The following PCDH20 variants were observed in gnomAD, a reference collection of about 807,000 sequenced individuals.
The protein encoded by PCDH20 is protocadherin 20.
A neutral mutation model predicts 39.7 loss-of-function variants in PCDH20; 18 were observed. The observed-to-expected ratio is 0.45, with a 90% confidence interval of 0.31 to 0.67. The LOEUF (loss-of-function observed/expected upper bound fraction) is 0.67, where lower values mean the gene tolerates loss of function less well. Ranked by LOEUF, PCDH20 falls within the 30% of genes least tolerant of loss-of-function variation. The pLI, the probability that PCDH20 is intolerant of heterozygous loss-of-function variation, is 0.05. For synonymous variants in PCDH20, 495 were observed against 455.4 expected (o/e 1.09, Z -1.11); for missense variants, 1,161 against 1,167.4 (o/e 0.99, Z 0.08).
exon 2 of PCDH20, chr13:61,410,433 T>C (rs1261648430): frequency 1.3e-5 from 2 of 152,232 alleles, no homozygotes; most frequent in Non-Finnish European, 2.9e-5. Flanking sequence ...AAGCATTTCT[T>C]TGCTTCTGGC....
intron 1 of PCDH20, among the ~76,000 whole-genome samples, chr13:61,414,571 A>T (rs1308060900): frequency 6.6e-6 from 1 of 152,150 alleles, no homozygotes; most frequent in Non-Finnish European, 1.5e-5. Flanking sequence ...AGTGATTTTT[A>T]TTTTAGCACA....
chr13:61,413,946 G>A, exon 2 of PCDH20: 1 of 1,608,250 alleles, frequency 6.2e-7, no homozygotes, highest in Non-Finnish European at 8.5e-7. Context: ...GTCCCACGAA[G>A]AGGAAAAACA....
At chr13:61,413,768 C>A in exon 2 of PCDH20, 2 of 1,613,678 alleles carry the variant, frequency 1.2e-6, no homozygotes, top group Non-Finnish European at 1.7e-6. Context: ...TTCCACTCAG[C>A]ACCGGTGCGC....
In PCDH20 at chr13:61,413,111, A is replaced by G. The variant is rs922008910; in HGVS notation, c.988T>C (p.Tyr330His). Residue 330 changes from tyrosine (Y) to histidine (H), a missense_variant, in exon 2 of 2, where the codon TAT (tyrosine) becomes CAT (histidine). Coordinates refer to ENST00000409204, the Ensembl canonical transcript of PCDH20. ...GGGGTGCCCACTGTAGCATTCCCAT[A>G]CACAGTGACATTGATTTGTGAGTCT... The G allele has an allele frequency of 6.2e-7, 1 of 1,614,160 alleles. No individual in the cohort carries two copies. Among genetic ancestry groups the G allele is most frequent in the Non-Finnish European group, 8.5e-7 (1 of 1,180,018 alleles).
At chr13:61,413,435 C>A in exon 2 of PCDH20, 4 of 1,613,740 alleles carry the variant, frequency 2.5e-6, no homozygotes, top group Non-Finnish European at 3.4e-6. Context: ...TTTACAGGTG[C>A]ATTTTCCGGG....
exon 1 of PCDH20, chr13:61,415,343 G>C: frequency 3.1e-6 from 2 of 637,414 alleles, no homozygotes; most frequent in Non-Finnish European, 4.6e-6. Flanking sequence ...TTCCTGCCCC[G>C]GACGCAGGTA....
exon 2 of PCDH20, chr13:61,413,866 G>A: frequency 6.2e-7 from 1 of 1,613,536 alleles, no homozygotes; most frequent in Non-Finnish European, 8.5e-7. Context: ...GAGCACCCCC[G>A]CGGGTAGTCC....
At chr13:61,411,287 A>T in exon 2 of PCDH20, 1 of 1,614,012 alleles carries the variant, frequency 6.2e-7, no homozygotes, top group Admixed American at 1.7e-5. Flanking sequence ...CGCATATGCA[A>T]GTCAATTTTT....
exon 2 of PCDH20, chr13:61,412,577 C>T (rs945650295): frequency 1.2e-6 from 2 of 1,614,000 alleles, no homozygotes; most frequent in African/African-American, 2.7e-5. Context: ...TTCCAAGCCA[C>T]CACAGCTACT....
exon 2 of PCDH20, chr13:61,412,307 C>A: frequency 1.2e-6 from 2 of 1,614,008 alleles, no homozygotes; most frequent in Non-Finnish European, 1.7e-6. Flanking sequence ...TCTTCTCGGT[C>A]CAGCTGAGTA....
exon 2 of PCDH20, chr13:61,410,513 T>C: frequency 6.6e-6 from 1 of 152,656 alleles, no homozygotes; most frequent in East Asian, 1.9e-4. Context: ...TGTATAAATC[T>C]ATTTCCCTTG....
At position 61,412,212 on chromosome 13, in the gene PCDH20, C is replaced by T. The variant is rs746999849; in HGVS notation, c.1887G>A (p.Val629=). ...GAGGACTGTTGTCATTTTTATCCAA[C>T]ACTGTGAGGGCCACAGTGGCTACTG... The change falls in exon 2 of 2, where the codon GTG becomes GTA. Residue 629 remains valine, a synonymous_variant. Coordinates refer to ENST00000409204, the Ensembl canonical transcript of PCDH20. The T allele has an allele frequency of 4.3e-6, 7 of 1,614,036 alleles. No homozygotes were observed. The Admixed American group carries it at 1.0e-4, about 23-fold the overall frequency.
At position 61,412,332 on chromosome 13, in the gene PCDH20, T is replaced by C. The variant is rs757248632; in HGVS notation, c.1767A>G (p.Gly589=). The change falls in exon 2 of 2, where the codon GGA becomes GGG. Residue 589 remains glycine (G), a synonymous_variant. Transcript: ENST00000409204. ...CCAGCTGAGTAGAAACTGTCAGAAT[T>C]CCTGTGACACTGTCTAAGGAAAAAT... The C allele has an allele frequency of 1.9e-6, 3 of 1,613,980 alleles. No homozygotes were observed. The African/African-American group carries it at 4.0e-5, about 22-fold the overall frequency.
chr13:61,409,921 G>C (rs1878211461), exon 2 of PCDH20: 1 of 152,018 alleles, frequency 6.6e-6, no homozygotes, highest in East Asian at 1.9e-4. Context: ...ACAGATGCAT[G>C]ATGCCAAAAA....
At chr13:61,411,892 T>C (rs1278412559) in exon 2 of PCDH20, 1 of 1,614,132 alleles carries the variant, frequency 6.2e-7, no homozygotes. Flanking sequence ...AGGGTTGTCA[T>C]TGATATCTAG....
rs972259489 is a variant in PCDH20 at position 61,410,297 on chromosome 13, A to C, written c.*946T>G. The C allele has an allele frequency of 8.5e-5, 13 of 152,258 alleles. No homozygotes were observed. The East Asian group carries it at 2.1e-3, about 25-fold the overall frequency. The allele number at this position is 152,258 out of a possible 1,614,324, so 9.4% of individuals were successfully genotyped here. A position where few individuals can be genotyped will look rare whatever the true frequency, so the allele number is the denominator to read the frequency against. Reference sequence around the variant, plus strand: ...AGAATTCACTTTTAATATGATTTCTATTTTCTTATGTGATGGATGATTTCA... The same window carrying C: ...AGAATTCACTTTTAATATGATTTCTCTTTTCTTATGTGATGGATGATTTCA... On this transcript the variant is annotated 3_prime_UTR_variant, in exon 2 of 2. Coordinates refer to ENST00000409204, the Ensembl canonical transcript of PCDH20.
exon 1 of PCDH20, chr13:61,415,438 G>A (rs893555744): frequency 3.1e-6 from 1 of 319,584 alleles, no homozygotes; most frequent in South Asian, 1.5e-4. Context: ...GCACAGTAGC[G>A]CTTACCTACC....
chr13:61,415,746 T>G (rs560404601), upstream of PCDH20: 1 of 152,212 alleles, frequency 6.6e-6, no homozygotes, highest in African/African-American at 2.4e-5. Context: ...AATATATGAA[T>G]TCAGTGAAGG....
At position 61,412,387 on chromosome 13, in the gene PCDH20, G is replaced by A. The variant is rs772808319; in HGVS notation, c.1712C>T (p.Ser571Leu). 8.1e-6 allele frequency: 13 copies of A among 1,614,040 alleles called. No individual in the cohort carries two copies. Among genetic ancestry groups the A allele is most frequent in the Non-Finnish European group, 1.1e-5 (13 of 1,180,040 alleles). ...TGGAGCATCAGGTCCCAGAAAATAT[G>A]AAACTTGGCCTCTCTCCTCGCTGTC... The change falls in exon 2 of 2, where the codon TCA becomes TTA. Residue 571 changes from serine to leucine, a missense_variant. Physicochemically the swap from Ser to Leu is moderately radical, Grantham distance 145 (BLOSUM62 -2). Around this residue, in one of 3 missense-constraint regions of PCDH20, gnomAD observed 754 missense variants for 777.5 expected, o/e 0.97. Coordinates refer to ENST00000409204, the Ensembl canonical transcript of PCDH20.
Sources: allele counts gnomAD v4.1 joint callset (sites outside exome capture counted in the v4.1 genomes callset), GRCh38; gene constraint gnomAD v4.1.1; regional missense constraint gnomAD v4.1.1; transcripts MANE v1.5; gene names NCBI Gene and HGNC (gene_info 2026-07-23, HGNC 2026-07-21).